The following FRMD4A variants were observed in gnomAD, a reference collection of about 807,000 sequenced individuals.
FRMD4A encodes FERM domain-containing protein 4A.
In FRMD4A, 29 loss-of-function variants were observed where a neutral mutation model predicts 129.1. That is an observed-to-expected ratio of 0.22 (90% confidence interval 0.17 to 0.31). The LOEUF (loss-of-function observed/expected upper bound fraction) is 0.31. Ranked by LOEUF, FRMD4A falls within the 10% of genes least tolerant of loss-of-function variation. FRMD4A has a pLI of 1.00. For missense variants in FRMD4A, 1,272 were observed against 1,375.8 expected (o/e 0.92, Z 1.19); for synonymous variants, 634 against 571.6 (o/e 1.11, Z -1.56).
At chr10:13,754,636 T>C (rs878969197) in intron 8 of FRMD4A, among the ~76,000 whole-genome samples, 1 of 152,028 alleles carries the variant, frequency 6.6e-6, no homozygotes, top group South Asian at 2.1e-4. Flanking sequence ...AGAATTATAT[T>C]AATTTCAATT....
intron 2 of FRMD4A, among the ~76,000 whole-genome samples, chr10:14,009,594 G>A (rs1157163842): frequency 6.6e-6 from 1 of 152,224 alleles, no homozygotes; most frequent in Non-Finnish European, 1.5e-5. Flanking sequence ...TTTGTACTAT[G>A]AGAAAATGAA....
In FRMD4A at chr10:14,319,367, T is replaced by TCTCTCTCTCTCTCTCTCTCTCTCTCTCA. The variant is rs112041665; in HGVS notation, c.45+10690_45+10691insTGAGAGAGAGAGAGAGAGAGAGAGAGAG. Among the ~76,000 whole-genome samples the TCTCTCTCTCTCTCTCTCTCTCTCTCTCA allele has an allele frequency of 7.6e-3, 1,101 of 144,776 alleles. 9 individuals are homozygous for TCTCTCTCTCTCTCTCTCTCTCTCTCTCA. Among genetic ancestry groups the TCTCTCTCTCTCTCTCTCTCTCTCTCTCA allele is most frequent in the Non-Finnish European group, 0.012 (774 of 66,676 alleles). The allele number at this position is 144,776 out of a possible 152,430, so 95.0% of individuals were successfully genotyped here. On this transcript the variant is annotated intron_variant, in intron 2 of 24. Coordinates refer to ENST00000357447, the MANE Select transcript of FRMD4A (RefSeq NM_018027.5). ...TCTCTCTCCTCTCTCTCTCTCTCTC[T>TCTCTCTCTCTCTCTCTCTCTCTCTCTCA]CACACACACACACACACACATGATA...
intron 2 of FRMD4A, chr10:13,891,769 G>T (rs2094700088): frequency 1.0e-6 from 1 of 963,388 alleles, no homozygotes; most frequent in Admixed American, 6.7e-5. Context: ...CCCCCGCCCC[G>T]TCCCCGCCGC....
chr10:14,287,743 C>T (rs1845726246), intron 2 of FRMD4A, among the ~76,000 whole-genome samples: 1 of 152,118 alleles, frequency 6.6e-6, no homozygotes, highest in Non-Finnish European at 1.5e-5. Context: ...TGCTACTCAC[C>T]ACTCACCCTA....
At chr10:14,011,921 A>T (rs2095683814) in intron 2 of FRMD4A, among the ~76,000 whole-genome samples, 1 of 151,324 alleles carries the variant, frequency 6.6e-6, no homozygotes, top group South Asian at 2.1e-4. Flanking sequence ...AGGCAGGAGG[A>T]TGGCTTGAAC....
chr10:14,273,925 A>C (rs1845250596), intron 2 of FRMD4A, among the ~76,000 whole-genome samples: 1 of 152,240 alleles, frequency 6.6e-6, no homozygotes, highest in Non-Finnish European at 1.5e-5. Flanking sequence ...AATCAGTTAC[A>C]TGAAGAATAA....
intron 2 of FRMD4A, among the ~76,000 whole-genome samples, chr10:14,128,021 TTC>T (rs1838996129): frequency 1.4e-5 from 2 of 143,346 alleles, no homozygotes; most frequent in African/African-American, 5.3e-5. Flanking sequence ...TCTTCCTTCC[TTC>T]CTTCCTTCCT....
At chr10:13,904,897 G>A (rs2094863578) in intron 2 of FRMD4A, among the ~76,000 whole-genome samples, 2 of 143,628 alleles carry the variant, frequency 1.4e-5, no homozygotes, top group Admixed American at 1.5e-4. Context: ...GGAGGCTGAG[G>A]CAGGAGAATC....
intron 8 of FRMD4A, among the ~76,000 whole-genome samples, chr10:13,748,656 C>A (rs1415484803): frequency 6.6e-6 from 1 of 151,976 alleles, no homozygotes; most frequent in Non-Finnish European, 1.5e-5. Context: ...TTGTCTGGGC[C>A]AGGCTGAGCA....
chr10:14,303,106 C>A (rs1014831671), intron 2 of FRMD4A, among the ~76,000 whole-genome samples: 15 of 152,294 alleles, frequency 9.8e-5, no homozygotes, highest in Admixed American at 6.5e-4. Context: ...CCCTAGAGAG[C>A]TTTTGAAAAA....
Position 14,109,897 on chromosome 10 carries a change from G to T in FRMD4A, c.45+220161C>A, listed in dbSNP as rs186834079. On this transcript the variant is annotated intron_variant, in intron 2 of 24. Transcript: ENST00000357447. ...TGAGGCAGGAGAATCGCTTGAACCGGGAGGCAGAGGTTGCAGTCAGCCAAG... is the reference window on the plus strand; with the variant it reads ...TGAGGCAGGAGAATCGCTTGAACCGTGAGGCAGAGGTTGCAGTCAGCCAAG... Among the ~76,000 whole-genome samples the T allele has an allele frequency of 6.0e-3, 905 of 151,558 alleles. 13 individuals are homozygous for T. Among genetic ancestry groups the T allele is most frequent in the African/African-American group, 0.021 (878 of 41,236 alleles).
intron 3 of FRMD4A, among the ~76,000 whole-genome samples, chr10:13,825,669 A>G (rs147966938): frequency 5.4e-4 from 83 of 152,348 alleles, no homozygotes; most frequent in Middle Eastern, 6.8e-3. Context: ...GCAATGCCAG[A>G]CAAAGGGATG....
chr10:13,878,043 G>C (rs1043700448), intron 2 of FRMD4A, among the ~76,000 whole-genome samples: 1 of 152,138 alleles, frequency 6.6e-6, no homozygotes, highest in African/African-American at 2.4e-5. Flanking sequence ...GCACCTTACA[G>C]TGCAATGGCC....
intron 2 of FRMD4A, among the ~76,000 whole-genome samples, chr10:13,973,120 C>T (rs1440982672): frequency 2.0e-5 from 3 of 152,190 alleles, no homozygotes; most frequent in Non-Finnish European, 4.4e-5. Flanking sequence ...ATACCTACCT[C>T]ACTAGGTTGT....
chr10:13,702,384 C>T (rs1285333540), intron 13 of FRMD4A, among the ~76,000 whole-genome samples: 1 of 152,204 alleles, frequency 6.6e-6, no homozygotes, highest in Non-Finnish European at 1.5e-5. Context: ...ATTTTTAAAT[C>T]TACATGGAGT....
chr10:14,012,165 G>C (rs1367661761), intron 2 of FRMD4A, among the ~76,000 whole-genome samples: 4 of 151,830 alleles, frequency 2.6e-5, no homozygotes, highest in South Asian at 2.1e-4. Context: ...GGGAGTTGAG[G>C]GGGGAAAGAT....
intron 2 of FRMD4A, among the ~76,000 whole-genome samples, chr10:14,237,412 C>T (rs1454536641): frequency 6.6e-6 from 1 of 152,114 alleles, no homozygotes; most frequent in Non-Finnish European, 1.5e-5. Context: ...CTCACTGTAA[C>T]CTCTGCCTCC....
intron 2 of FRMD4A, among the ~76,000 whole-genome samples, chr10:14,185,982 G>A (rs1028552707): frequency 3.3e-5 from 5 of 152,178 alleles, no homozygotes; most frequent in East Asian, 1.9e-4. Context: ...CAAGGCCAGA[G>A]GATCAACTGT....
In FRMD4A at chr10:14,218,591, C is replaced by G. The variant is rs113493815; in HGVS notation, c.45+111467G>C. Among the ~76,000 whole-genome samples the G allele has an allele frequency of 3.9e-5, 6 of 152,190 alleles. No homozygotes were observed. In the South Asian group the frequency reaches 1.2e-3, roughly 32 times the overall value. On this transcript the variant is annotated intron_variant, in intron 2 of 24. Transcript: ENST00000357447. ...CTTAGTGGCTGGGCACGGTGTCTCA[C>G]GCCTGTAATCCCGGTACTTTGGGAG...
Sources: gnomAD v4.1 joint callset for allele counts (sites outside exome capture counted in the v4.1 genomes callset) on GRCh38, gnomAD v4.1.1 for gene constraint, MANE v1.5 for transcripts, NCBI Gene and HGNC (gene_info 2026-07-23, HGNC 2026-07-21) for gene names.